The following SDCCAG8 variants were observed in gnomAD, a reference collection of about 807,000 sequenced individuals.
SDCCAG8 encodes the protein serologically defined colon cancer antigen 8.
SDCCAG8 carries 74 observed loss-of-function variants against 101.8 expected under a neutral mutation model. That is an observed-to-expected ratio of 0.73 (90% CI 0.60 to 0.88). The LOEUF (loss-of-function observed/expected upper bound fraction) is 0.88. Ranked by LOEUF, SDCCAG8 falls within the 40% of genes least tolerant of loss-of-function variation. The pLI is 0.00. For synonymous variants in SDCCAG8, 281 were observed against 292.9 expected, an observed-to-expected ratio of 0.96 and a Z score of 0.41; for missense variants, 787 against 822.6, an observed-to-expected ratio of 0.96 and a Z score of 0.53.
chr1:243,286,294 A>C lies in SDCCAG8; in HGVS notation c.443A>C (p.Asn148Thr). 6.2e-7 allele frequency: 1 copy of C among 1,614,112 alleles called. No homozygotes were observed. The highest frequency in any genetic ancestry group is 1.3e-5 in the African/African-American group (1 of 75,058). Residue 148 changes from asparagine (N) to threonine (T), a missense_variant, in exon 5 of 18, where the codon AAT becomes ACT. By Grantham distance (65) the Asn-to-Thr change is moderately conservative (BLOSUM62 0). Transcript: ENST00000366541. Reference sequence around the variant, plus strand: ...TAGGAGGAACTCTCTGGAATGAAAAATAAAATACAAGTAGTTGTGCTTGAA... The same window carrying C: ...TAGGAGGAACTCTCTGGAATGAAAACTAAAATACAAGTAGTTGTGCTTGAA... Reference protein sequence around the residue: ...FCKEELSGMKNKIQVVVLENE... With the variant: ...FCKEELSGMKTKIQVVVLENE...
intron 16 of SDCCAG8, among the ~76,000 whole-genome samples, chr1:243,479,578 A>G (rs190745224): frequency 3.9e-5 from 6 of 152,292 alleles, no homozygotes; most frequent in African/African-American, 1.2e-4. Context: ...ATCACTCTCA[A>G]TTGGCAGATC....
chr1:243,488,958 G>C, intron 16 of SDCCAG8, 56 bp from the exon 17 acceptor site: 1 of 1,612,374 alleles, frequency 6.2e-7, no homozygotes, highest in Non-Finnish European at 8.5e-7. Flanking sequence ...CAGCCCCTGG[G>C]CCTGTTGAAA....
intron 9 of SDCCAG8, among the ~76,000 whole-genome samples, chr1:243,319,695 T>A (rs376086371): frequency 1.3e-5 from 2 of 152,284 alleles, no homozygotes; most frequent in Non-Finnish European, 2.9e-5. Context: ...TTTTAACATC[T>A]GATCCTTTTC....
At chr1:243,287,471 G>A (rs1021182914) in intron 5 of SDCCAG8, among the ~76,000 whole-genome samples, 7 of 151,424 alleles carry the variant, frequency 4.6e-5, no homozygotes, top group African/African-American at 1.7e-4. Flanking sequence ...AGTTGTATAT[G>A]TTAGGGTTTG....
intron 10 of SDCCAG8, among the ~76,000 whole-genome samples, chr1:243,331,768 C>T (rs977740201): frequency 1.3e-5 from 2 of 152,158 alleles, no homozygotes; most frequent in Non-Finnish European, 2.9e-5. Flanking sequence ...TCCTCTTTTG[C>T]CTTCCTCTCT....
intron 13 of SDCCAG8, among the ~76,000 whole-genome samples, chr1:243,391,574 A>G (rs1039597522): frequency 6.6e-6 from 1 of 152,178 alleles, no homozygotes; most frequent in East Asian, 1.9e-4. Context: ...TGACCAAGCC[A>G]TGGAGGGTAG....
Position 243,286,208 on chromosome 1 carries a change from T to C in SDCCAG8, c.421-64T>C. 4 of 1,511,278 alleles carry C rather than the reference T, an allele frequency of 2.6e-6. No individual in the cohort carries two copies. The South Asian group carries it at 4.5e-5, about 17-fold the overall frequency. The allele number at this position is 1,511,278 out of a possible 1,614,324, so 93.6% of individuals were successfully genotyped here. A position where few individuals can be genotyped will look rare whatever the true frequency, so the allele number is the denominator to read the frequency against. ...GTACTTTATATCATGCTGTGCCCTC[T>C]AATAATCAACAAATAAAAACACTGC... On this transcript the variant is annotated intron_variant, in intron 4 of 17. Transcript: ENST00000366541.
intron 16 of SDCCAG8, among the ~76,000 whole-genome samples, chr1:243,486,094 C>CG (rs1250393762): frequency 2.1e-5 from 3 of 144,604 alleles, no homozygotes; most frequent in Non-Finnish European, 4.5e-5. Context: ...CTACTCTACT[C>CG]GGGAGGCTGA....
At chr1:243,367,917 A>G (rs1019573732) in intron 12 of SDCCAG8, among the ~76,000 whole-genome samples, 1 of 151,878 alleles carries the variant, frequency 6.6e-6, no homozygotes, top group Non-Finnish European at 1.5e-5. Flanking sequence ...ATTTCCTTCT[A>G]GAAAATAAGA....
At chr1:243,466,126 G>T (rs1057065083) in intron 16 of SDCCAG8, among the ~76,000 whole-genome samples, 2 of 152,170 alleles carry the variant, frequency 1.3e-5, no homozygotes, top group Non-Finnish European at 1.5e-5. Context: ...AAGGACTTTG[G>T]TTTTCATTTT....
At chr1:243,346,768 G>A (rs1030924674) in intron 12 of SDCCAG8, among the ~76,000 whole-genome samples, 1 of 152,132 alleles carries the variant, frequency 6.6e-6, no homozygotes, top group African/African-American at 2.4e-5. Flanking sequence ...CAGCCTCAGA[G>A]GATGCTTCTT....
chr1:243,435,378 A>G (rs1279738331), intron 16 of SDCCAG8, among the ~76,000 whole-genome samples: 5 of 152,180 alleles, frequency 3.3e-5, no homozygotes, highest in Non-Finnish European at 2.9e-5. Context: ...ATAATCCACA[A>G]AAAGGTCTTT....
intron 15 of SDCCAG8, among the ~76,000 whole-genome samples, chr1:243,418,694 T>G (rs1012732007): frequency 6.6e-6 from 1 of 152,198 alleles, no homozygotes; most frequent in African/African-American, 2.4e-5. Context: ...TATTTCATAT[T>G]CTAAACTGCA....
intron 12 of SDCCAG8, among the ~76,000 whole-genome samples, chr1:243,351,455 C>T (rs2076078209): frequency 1.3e-5 from 2 of 152,226 alleles, no homozygotes; most frequent in South Asian, 4.1e-4. Flanking sequence ...TGCAAAGCAG[C>T]ATATCGACAA....
rs1265321025 is a variant in SDCCAG8, at chr1:243,270,035, T to G, written c.68-70T>G. ...AATGATTTCACCTTTAAAAACTGCC[T>G]TCCTGAGTAAGTGTCCGTTTGGTCA... is the stretch of plus-strand genomic sequence containing the variant. On this transcript the variant is annotated intron_variant, in intron 1 of 17. Transcript: ENST00000366541. 5.0e-6 allele frequency: 8 copies of G among 1,610,246 alleles called. No individual in the cohort carries two copies. The East Asian group carries it at 1.6e-4, about 31-fold the overall frequency.
intron 16 of SDCCAG8, among the ~76,000 whole-genome samples, chr1:243,434,384 A>G (rs2082000011): frequency 1.3e-5 from 2 of 152,266 alleles, no homozygotes; most frequent in Admixed American, 1.3e-4. Flanking sequence ...TTAAGAGCAA[A>G]TTAACAAAAT....
chr1:243,362,080 TC>T (rs2076747356), intron 12 of SDCCAG8, among the ~76,000 whole-genome samples: 1 of 138,010 alleles, frequency 7.2e-6, no homozygotes, highest in African/African-American at 2.7e-5. Context: ...AGTGACTGCC[TC>T]AAGTAACACA....
chr1:243,317,002 CAA>C (rs1339576303), intron 9 of SDCCAG8, 109 bp downstream of exon 9: 1 of 1,140,844 alleles, frequency 8.8e-7, no homozygotes, highest in South Asian at 1.4e-5. Context: ...TTCAAACACA[CAA>C]AGTGAATTAT....
intron 13 of SDCCAG8, among the ~76,000 whole-genome samples, chr1:243,391,036 C>G (rs1018293492): frequency 6.6e-6 from 1 of 152,156 alleles, no homozygotes; most frequent in East Asian, 1.9e-4. Context: ...TGGGCTCAAG[C>G]GGAACTCCCT....
Sources: gnomAD v4.1 joint callset for allele counts (sites outside exome capture counted in the v4.1 genomes callset) on GRCh38, gnomAD v4.1.1 for gene constraint, MANE v1.5 for transcripts, NCBI Gene and HGNC (gene_info 2026-07-23, HGNC 2026-07-21) for gene names.